The following CDCA5 variants were observed in gnomAD, a reference collection of about 807,000 sequenced individuals.
CDCA5 encodes the protein sororin.
In CDCA5, 14 loss-of-function variants were observed where a neutral mutation model predicts 25.7. The observed-to-expected ratio is 0.54, with a 90% CI of 0.36 to 0.85. The LOEUF (loss-of-function observed/expected upper bound fraction) is 0.85, where lower values mean the gene tolerates loss of function less well. Among genes scored for constraint, CDCA5 ranks in the 40% least tolerant of loss-of-function variants. The probability of loss-of-function intolerance (pLI) is 0.01; values close to 1 mark genes in which losing one functional copy is unlikely to be tolerated. For missense variants in CDCA5, 307 were observed against 324.5 expected (o/e 0.95, Z 0.41); for synonymous variants, 127 against 128.7 (o/e 0.99, Z 0.09).
At chr11:65,065,296 A>AT (rs61484391), downstream of CDCA5, among the ~76,000 whole-genome samples, 8 of 150,172 alleles carry the variant, frequency 5.3e-5, no homozygotes, top group African/African-American at 1.2e-4. Context: ...TAAAAAAAAA[A>AT]TTTTTTTTTG....
chr11:65,082,455 T>C (rs191490781), intron 4 of CDCA5, among the ~76,000 whole-genome samples: 72 of 145,062 alleles, frequency 5.0e-4, no homozygotes, highest in African/African-American at 1.7e-3. Context: ...ACAAACCTAC[T>C]TGTCTTTTTT....
chr11:65,078,780 C>CT lies in CDCA5; in HGVS notation c.*326dup. ...GTGCCTCTCACCTCAACCCTCAGCC[C>CT]TTTAACTTCTGGCTGGGCCACTGAT... is the stretch of plus-strand genomic sequence containing the variant. On this transcript the variant is annotated 3_prime_UTR_variant, in exon 6 of 6. Transcript: ENST00000275517. 2.8e-6 allele frequency: 3 copies of CT among 1,086,608 alleles called. No individual in the cohort carries two copies. Among genetic ancestry groups the CT allele is most frequent in the Non-Finnish European group, 2.2e-6 (2 of 895,700 alleles). The allele number at this position is 1,086,608 out of a possible 1,614,324, so 67.3% of individuals were successfully genotyped here. A position where few individuals can be genotyped will look rare whatever the true frequency, so the allele number is the denominator to read the frequency against.
chr11:65,079,382 G>A lies in CDCA5; in HGVS notation c.649C>T (p.Arg217Cys), dbSNP rs748979988. Residue 217 changes from arginine to cysteine, a missense_variant, in exon 5 of 6, where the codon CGT becomes TGT. Arg to Cys is a radical substitution (Grantham distance 180). Transcript: ENST00000275517. ...GISPPPEKQK[R>C]KKKKMPEILK... ...ATCTCTGGCATTTTCTTCTTCTTAC[G>A]TTTCTGTTTCTCGGGTGGTGGGGAG... is the stretch of plus-strand genomic sequence containing the variant. 8 of 1,613,998 alleles carry A rather than the reference G, an allele frequency of 5.0e-6. No individual in the cohort carries two copies. The South Asian group carries it at 5.5e-5, about 11-fold the overall frequency.
chr11:65,083,811 C>T (rs1194342090), intron 1 of CDCA5, 88 bp from the exon 2 acceptor site: 2 of 1,579,262 alleles, frequency 1.3e-6, no homozygotes, highest in African/African-American at 1.3e-5. Flanking sequence ...AGAAGATTCC[C>T]AAACAAGCCC....
chr11:65,073,334 A>T (rs1259583703), downstream of CDCA5, among the ~76,000 whole-genome samples: 1 of 152,098 alleles, frequency 6.6e-6, no homozygotes, highest in African/African-American at 2.4e-5. Context: ...GAGTCTAATT[A>T]TTATCATTTG....
Position 65,079,778 on chromosome 11 carries a change from A to C in CDCA5, c.253T>G (p.Phe85Val). 1.4e-6 allele frequency: 2 copies of C among 1,472,426 alleles called. No individual in the cohort carries two copies. The highest frequency in any genetic ancestry group is 1.8e-6 in the Non-Finnish European group (2 of 1,110,392). The allele number at this position is 1,472,426 out of a possible 1,614,324, so 91.2% of individuals were successfully genotyped here. ...SPRRSPRISF[F>V]LEKENEPPGR... Reference sequence around the variant, plus strand: ...GGGGGCTCGTTTTCTTTCTCCAAGAAAAAGGAAATCTGCACCAGGACAGAA... The same window carrying C: ...GGGGGCTCGTTTTCTTTCTCCAAGACAAAGGAAATCTGCACCAGGACAGAA... Residue 85 changes from phenylalanine to valine, a missense_variant, in exon 5 of 6, where the codon TTC (phenylalanine) becomes GTC (valine). Transcript: ENST00000275517.
chr11:65,066,702 C>T (rs1216552724), intron 5 of CDCA5: 25 of 1,287,538 alleles, frequency 1.9e-5, no homozygotes, highest in Admixed American at 4.6e-5. Context: ...TTGCAGGGCT[C>T]GAGGTGGGTA....
At chr11:65,076,663 G>A (rs1201103819), downstream of CDCA5, among the ~76,000 whole-genome samples, 1 of 152,170 alleles carries the variant, frequency 6.6e-6, no homozygotes. Context: ...TGGGATGGGA[G>A]GCTGGTCTGT....
chr11:65,073,472 G>A (rs895672974), downstream of CDCA5, among the ~76,000 whole-genome samples: 1 of 152,176 alleles, frequency 6.6e-6, no homozygotes, highest in Non-Finnish European at 1.5e-5. Context: ...GGTGACGCGT[G>A]AGCCAGACTT....
At chr11:65,082,125 G>A (rs1175898782) in intron 4 of CDCA5, among the ~76,000 whole-genome samples, 3 of 152,146 alleles carry the variant, frequency 2.0e-5, no homozygotes, top group Admixed American at 6.6e-5. Flanking sequence ...TGGACTTCAC[G>A]TCATTCCACT....
intron 2 of CDCA5, chr11:65,068,245 C>T: frequency 1.8e-6 from 1 of 549,344 alleles, no homozygotes. Context: ...CTGTATCCCC[C>T]ACCCTGTAGG....
exon 6 of CDCA5, chr11:65,066,630 T>C (rs1193897357): frequency 7.8e-7 from 1 of 1,289,256 alleles, no homozygotes. Flanking sequence ...CTGGGCCTCC[T>C]CCTGGATGGC....
intron 1 of CDCA5, among the ~76,000 whole-genome samples, chr11:65,069,734 G>C (rs1324346909): frequency 1.3e-5 from 2 of 152,250 alleles, no homozygotes; most frequent in Non-Finnish European, 2.9e-5. Flanking sequence ...AAAACTGGAA[G>C]GGGCCTAAAA....
chr11:65,077,396 G>A, downstream of CDCA5: 1 of 932,226 alleles, frequency 1.1e-6, no homozygotes, highest in South Asian at 5.0e-5. Context: ...GCAGCCCACT[G>A]GAGGCCTGGC....
chr11:65,075,104 T>G (rs997003602), downstream of CDCA5, among the ~76,000 whole-genome samples: 3 of 118,188 alleles, frequency 2.5e-5, no homozygotes, highest in South Asian at 5.6e-4. Flanking sequence ...AGGGGAGAAA[T>G]AGGCCCGGCG....
downstream of CDCA5, among the ~76,000 whole-genome samples, chr11:65,075,378 CA>C (rs1172440259): frequency 1.3e-5 from 2 of 151,968 alleles, no homozygotes; most frequent in Non-Finnish European, 2.9e-5. Context: ...GCCTGGGCAA[CA>C]AAAGTGAAAC....
chr11:65,074,922 C>T (rs575784068), downstream of CDCA5, among the ~76,000 whole-genome samples: 13 of 151,356 alleles, frequency 8.6e-5, 1 homozygote, highest in South Asian at 2.5e-3. Context: ...ATTAGCTGGG[C>T]GTGGTGGCAC....
chr11:65,067,735 C>T, exon 4 of CDCA5: 5 of 1,289,714 alleles, frequency 3.9e-6, no homozygotes, highest in Non-Finnish European at 5.1e-6. Flanking sequence ...AGAACTGGTA[C>T]TCCTGGATCT....
intron 1 of CDCA5, among the ~76,000 whole-genome samples, chr11:65,068,815 C>T (rs1947289933): frequency 6.6e-6 from 1 of 152,216 alleles, no homozygotes; most frequent in Non-Finnish European, 1.5e-5. Flanking sequence ...AAAATGGATA[C>T]TTTTTCAGTA....
Sources: gnomAD v4.1 joint callset for allele counts (sites outside exome capture counted in the v4.1 genomes callset) on GRCh38, gnomAD v4.1.1 for gene constraint, MANE v1.5 for transcripts, NCBI Gene and HGNC (gene_info 2026-07-23, HGNC 2026-07-21) for gene names.